The following CHSY3 variants were observed in gnomAD, a reference collection of about 807,000 sequenced individuals.
CHSY3 encodes chondroitin sulfate synthase 3.
In CHSY3, 35 loss-of-function variants were observed where a neutral mutation model predicts 67.2. That is an observed-to-expected ratio of 0.52 (90% CI 0.40 to 0.69). CHSY3 has a LOEUF of 0.69. Among genes scored for constraint, CHSY3 ranks in the 30% least tolerant of loss-of-function variants. The pLI is 0.00. For synonymous variants in CHSY3, 474 were observed against 434.7 expected (o/e 1.09, Z -1.12); for missense variants, 1,069 against 1,138.5 (o/e 0.94, Z 0.88).
chr5:130,145,055 A>T (rs1453109928), intron 2 of CHSY3, among the ~76,000 whole-genome samples: 1 of 152,076 alleles, frequency 6.6e-6, no homozygotes, highest in Non-Finnish European at 1.5e-5. Flanking sequence ...TCTTATGAGA[A>T]CCCACTCACT....
chr5:129,977,158 G>A (rs4571508), intron 2 of CHSY3, among the ~76,000 whole-genome samples: 2,414 of 152,176 alleles, frequency 0.016, 53 homozygotes, highest in African/African-American at 0.054. Flanking sequence ...AAAGGGATGT[G>A]TTCCAAAGGT....
intron 2 of CHSY3, among the ~76,000 whole-genome samples, chr5:130,121,217 C>T (rs1347525325): frequency 1.3e-5 from 2 of 152,266 alleles, no homozygotes; most frequent in East Asian, 3.9e-4. Context: ...CTGATCCATA[C>T]TTTGAATATC....
chr5:130,106,479 C>A (rs192728754), intron 2 of CHSY3, among the ~76,000 whole-genome samples: 1 of 151,564 alleles, frequency 6.6e-6, no homozygotes, highest in Non-Finnish European at 1.5e-5. Flanking sequence ...TAGATCAAGT[C>A]TTTGCCTTTT....
intron 2 of CHSY3, among the ~76,000 whole-genome samples, chr5:130,103,149 A>G (rs908275346): frequency 3.9e-5 from 6 of 152,154 alleles, no homozygotes; most frequent in African/African-American, 1.4e-4. Context: ...CCTACTGGGA[A>G]CAAGCCACTT....
intron 2 of CHSY3, among the ~76,000 whole-genome samples, chr5:129,941,160 G>A (rs143651961): frequency 2.0e-5 from 3 of 152,216 alleles, no homozygotes; most frequent in Non-Finnish European, 2.9e-5. Context: ...GAGCCCAGAG[G>A]TCACTGCAGC....
At chr5:130,100,962 A>G (rs563425301) in intron 2 of CHSY3, among the ~76,000 whole-genome samples, 7 of 152,310 alleles carry the variant, frequency 4.6e-5, no homozygotes, top group Admixed American at 4.6e-4. Flanking sequence ...TTCACTGATC[A>G]AGTATAATAA....
intron 2 of CHSY3, among the ~76,000 whole-genome samples, chr5:130,050,420 A>T (rs1166788779): frequency 1.3e-5 from 2 of 152,158 alleles, no homozygotes; most frequent in Non-Finnish European, 2.9e-5. Context: ...TGCTATGTCT[A>T]CACAAAGAAT....
intron 2 of CHSY3, among the ~76,000 whole-genome samples, chr5:130,005,498 A>G (rs1580640436): frequency 6.6e-6 from 1 of 152,118 alleles, no homozygotes; most frequent in African/African-American, 2.4e-5. Flanking sequence ...CTCTCTTAGT[A>G]TGCATTGCTA....
chr5:130,107,771 T>C (rs763169352), intron 2 of CHSY3, among the ~76,000 whole-genome samples: 14 of 151,618 alleles, frequency 9.2e-5, no homozygotes, highest in Admixed American at 2.0e-4. Flanking sequence ...TAATTAGGTC[T>C]AATTATTGGT....
At chr5:130,016,264 G>A (rs1376002164) in intron 2 of CHSY3, among the ~76,000 whole-genome samples, 2 of 152,194 alleles carry the variant, frequency 1.3e-5, no homozygotes, top group African/African-American at 4.8e-5. Flanking sequence ...CTTAAAAGGG[G>A]AGAGAAGACA....
chr5:130,179,686 G>A (rs1322984213), intron 2 of CHSY3, among the ~76,000 whole-genome samples: 1 of 151,024 alleles, frequency 6.6e-6, no homozygotes, highest in Admixed American at 6.6e-5. Flanking sequence ...CAATTTCATG[G>A]CTTTTTTTCT....
At chr5:130,072,508 G>A (rs540866535) in intron 2 of CHSY3, among the ~76,000 whole-genome samples, 24 of 151,952 alleles carry the variant, frequency 1.6e-4, no homozygotes, top group Middle Eastern at 3.4e-3. Context: ...ATCCTCTTCC[G>A]TTGGTCAGTG....
chr5:130,047,004 T>G (rs1362572402), intron 2 of CHSY3, among the ~76,000 whole-genome samples: 1 of 151,570 alleles, frequency 6.6e-6, no homozygotes, highest in Non-Finnish European at 1.5e-5. Context: ...TGATGTAAAT[T>G]TTCTTAATAT....
intron 2 of CHSY3, among the ~76,000 whole-genome samples, chr5:130,079,290 T>C (rs1221562281): frequency 6.6e-6 from 1 of 152,112 alleles, no homozygotes; most frequent in East Asian, 1.9e-4. Context: ...CTCTTCTACG[T>C]AGAACATTTC....
At chr5:130,045,169 A>G (rs114671520) in intron 2 of CHSY3, among the ~76,000 whole-genome samples, 2,943 of 152,068 alleles carry the variant, frequency 0.019, 98 homozygotes, top group African/African-American at 0.068. Flanking sequence ...TGGGTTTTTA[A>G]TAGAACTAAA....
At chr5:129,945,463 A>C (rs1004885769) in intron 2 of CHSY3, among the ~76,000 whole-genome samples, 16 of 152,146 alleles carry the variant, frequency 1.1e-4, no homozygotes, top group African/African-American at 3.9e-4. Flanking sequence ...TAATTTATAA[A>C]ATTTTTAAAG....
At chr5:129,946,839 A>T (rs1761870011) in intron 2 of CHSY3, among the ~76,000 whole-genome samples, 1 of 152,152 alleles carries the variant, frequency 6.6e-6, no homozygotes, top group South Asian at 2.1e-4. Context: ...ACTAACAGAC[A>T]CCCAAGCCGT....
intron 2 of CHSY3, among the ~76,000 whole-genome samples, chr5:130,011,283 G>A (rs551324436): frequency 2.6e-5 from 4 of 152,252 alleles, no homozygotes; most frequent in African/African-American, 9.6e-5. Flanking sequence ...CCATGATCAG[G>A]TAGGTTTTAT....
intron 2 of CHSY3, among the ~76,000 whole-genome samples, chr5:129,947,477 G>T (rs555548077): frequency 6.6e-6 from 1 of 152,104 alleles, no homozygotes; most frequent in East Asian, 1.9e-4. Flanking sequence ...ACAAAAATTA[G>T]CCGGGTTTGG....
Sources: gnomAD v4.1 joint callset for allele counts (sites outside exome capture counted in the v4.1 genomes callset) on GRCh38, gnomAD v4.1.1 for gene constraint, MANE v1.5 for transcripts, NCBI Gene and HGNC (gene_info 2026-07-23, HGNC 2026-07-21) for gene names.